Variants in GREB1L observed in about 807,000 individuals in gnomAD.
The protein encoded by GREB1L is GREB1 like retinoic acid receptor coactivator, also known as GREB1-like protein.
In GREB1L, 17 loss-of-function variants were observed where a neutral mutation model predicts 200.8. That is an observed-to-expected ratio of 0.08 (90% CI 0.06 to 0.13). The LOEUF (loss-of-function observed/expected upper bound fraction) is 0.13, where lower values mean the gene tolerates loss of function less well. Among genes scored for constraint, GREB1L ranks in the 10% least tolerant of loss-of-function variants. The pLI is 1.00. For missense variants in GREB1L, 1,657 were observed against 2,367.7 expected (o/e 0.70, Z 6.23); for synonymous variants, 789 against 893.0 (o/e 0.88, Z 2.08).
Position 21,321,514 on chromosome 18 carries a change from G to A in GREB1L, c.-119-44513G>A, listed in dbSNP as rs559290138. ...AGCCTCGCCAACATAGAGAAACCCC[G>A]TCTCTACTAAAAATACAAAAAAATT... On this transcript the variant is annotated intron_variant, in intron 1 of 32. Transcript: ENST00000424526. Among the ~76,000 whole-genome samples, 59 of 151,468 alleles carry A rather than the reference G, an allele frequency of 3.9e-4. No individual in the cohort carries two copies. In the South Asian group the frequency reaches 0.01, roughly 27 times the overall value.
chr18:21,459,113 A>G (rs575027723), intron 15 of GREB1L, among the ~76,000 whole-genome samples: 1 of 152,044 alleles, frequency 6.6e-6, no homozygotes, highest in South Asian at 2.1e-4. Context: ...ATACTTTAAC[A>G]CATGCATGAT....
chr18:21,328,496 AT>A lies in GREB1L; in HGVS notation c.-119-37529del, dbSNP rs1408942324. ...AGTAGTTCAAATGGAGTCCTGAGAA[AT>A]TGTGTCCAGCCCTCATGTCACCCTG... is the stretch of plus-strand genomic sequence containing the variant. On this transcript the variant is annotated intron_variant, in intron 1 of 32. Transcript: ENST00000424526. Among the ~76,000 whole-genome samples the A allele has an allele frequency of 4.6e-5, 7 of 152,260 alleles. No individual in the cohort carries two copies. The East Asian group carries it at 7.7e-4, about 17-fold the overall frequency.
In GREB1L at chr18:21,508,567, G is replaced by A. The variant is rs369924162; in HGVS notation, c.4711G>A (p.Gly1571Ser). The change falls in exon 27 of 33, where the codon GGC (glycine) becomes AGC (serine). Residue 1571 changes from glycine to serine, a missense_variant. Around this residue, in one of 9 missense-constraint regions of GREB1L, gnomAD observed 151 missense variants for 309.6 expected, o/e 0.49. Coordinates refer to ENST00000424526, the MANE Select transcript of GREB1L (RefSeq NM_001142966.3). ...CAACCACATCATGCTGGTGCTTCCC[G>A]GCATGTTCAATAATGCAGGCGTGGG... ...WPNHIMLVLP[G>S]MFNNAGVGAA... 1.7e-4 allele frequency: 265 copies of A among 1,551,624 alleles called. 3 individuals carry two copies. In the African/African-American group the frequency reaches 3.0e-3, roughly 18 times the overall value.
At chr18:21,334,162 A>T (rs1335716263) in intron 1 of GREB1L, among the ~76,000 whole-genome samples, 2 of 152,168 alleles carry the variant, frequency 1.3e-5, no homozygotes, top group Admixed American at 1.3e-4. Flanking sequence ...AATATTAGCT[A>T]ATGTTAGTAA....
intron 1 of GREB1L, among the ~76,000 whole-genome samples, chr18:21,307,463 A>T (rs1228684489): frequency 6.6e-6 from 1 of 152,150 alleles, no homozygotes; most frequent in Non-Finnish European, 1.5e-5. Flanking sequence ...TGGTCCTAAC[A>T]CTGAGATTTT....
chr18:21,455,140 A>T (rs991615772), intron 15 of GREB1L: 1 of 153,260 alleles, frequency 6.5e-6, no homozygotes, highest in African/African-American at 2.4e-5. Flanking sequence ...TAAAAAAAAA[A>T]AATGTTACAA....
chr18:21,289,545 C>G (rs181216804), intron 1 of GREB1L, among the ~76,000 whole-genome samples: 1 of 150,686 alleles, frequency 6.6e-6, no homozygotes, highest in African/African-American at 2.5e-5. Flanking sequence ...CATCCCCCCC[C>G]GCAAAAAAAA....
At chr18:21,352,554 C>T (rs934110544) in intron 1 of GREB1L, among the ~76,000 whole-genome samples, 1 of 151,868 alleles carries the variant, frequency 6.6e-6, no homozygotes, top group African/African-American at 2.4e-5. Flanking sequence ...ATGCCTCAGC[C>T]ACCTGAATAG....
At chr18:21,299,897 A>G (rs1459595597) in intron 1 of GREB1L, among the ~76,000 whole-genome samples, 1 of 152,314 alleles carries the variant, frequency 6.6e-6, no homozygotes, top group African/African-American at 2.4e-5. Context: ...ATTAGACATT[A>G]TGATAAAATA....
chr18:21,525,587 C>CAGAT lies in GREB1L; in HGVS notation c.*2767_*2770dup, dbSNP rs2037672151. 6.6e-6 allele frequency among the ~76,000 whole-genome samples: 1 copy of CAGAT among 152,142 alleles called. No homozygotes were observed. Among genetic ancestry groups the CAGAT allele is most frequent in the Non-Finnish European group, 1.5e-5 (1 of 68,028 alleles). ...TAGTAGATACCAATCTTTTATTTGA[C>CAGAT]AGATTGCAACTACACTCACTTTGAT... On this transcript the variant is annotated 3_prime_UTR_variant, in exon 33 of 33. Coordinates refer to ENST00000424526, the MANE Select transcript of GREB1L (RefSeq NM_001142966.3).
intron 27 of GREB1L, among the ~76,000 whole-genome samples, chr18:21,513,056 C>T (rs1008681589): frequency 2.6e-5 from 4 of 152,138 alleles, no homozygotes; most frequent in East Asian, 1.9e-4. Context: ...GGGTACTAGG[C>T]GCTATCCTGA....
chr18:21,485,661 T>C lies in GREB1L; in HGVS notation c.2598T>C (p.Ser866=). The change falls in exon 18 of 33, where the codon AGT becomes AGC. Residue 866 remains serine (S), a synonymous_variant. Transcript: ENST00000424526. The part of the protein sequence containing the change: ...GCEEKLYFGL[S]EYSKSLQWGI... Reference sequence around the variant, plus strand: ...AGGAGAAGCTGTACTTTGGCTTGAGTGAGTACAGCAAGTCTCTGCAGTGGG... The same window carrying C: ...AGGAGAAGCTGTACTTTGGCTTGAGCGAGTACAGCAAGTCTCTGCAGTGGG... 9 of 1,551,436 alleles carry C rather than the reference T, an allele frequency of 5.8e-6. No individual in the cohort carries two copies. The highest frequency in any genetic ancestry group is 7.0e-6 in the Non-Finnish European group (8 of 1,146,852).
chr18:21,497,821 C>CTTTT (rs1555659431), intron 21 of GREB1L, among the ~76,000 whole-genome samples: 1 of 80,954 alleles, frequency 1.2e-5, no homozygotes, highest in Non-Finnish European at 2.8e-5. Context: ...ACCCCCCCCC[C>CTTTT]TTTTTTTTTT....
At chr18:21,254,061 A>ATTT (rs547876546) in intron 1 of GREB1L, among the ~76,000 whole-genome samples, 1,262 of 70,432 alleles carry the variant, frequency 0.018, 303 homozygotes, top group African/African-American at 0.077. Context: ...TTTCAGGCAT[A>ATTT]TTTTTTTTTT....
Position 21,516,654 on chromosome 18 carries a change from G to C in GREB1L, c.5171G>C (p.Ser1724Thr). The change falls in exon 30 of 33, where the codon AGT (serine) becomes ACT (threonine). Residue 1724 changes from serine (S) to threonine (T), a missense_variant. Ser to Thr is a moderately conservative substitution (Grantham distance 58, BLOSUM62 1). Coordinates refer to ENST00000424526, the MANE Select transcript of GREB1L (RefSeq NM_001142966.3). ...EDADFNLRTN[S>T]SGLLICRFNN... is the part of the protein sequence containing the mutation. ...GCTGACTTTAATCTGAGAACAAACA[G>C]TAGTGGCCTGCTCATCTGCCGCTTT... 2 of 1,551,518 alleles carry C rather than the reference G, an allele frequency of 1.3e-6. No homozygotes were observed. Among genetic ancestry groups the C allele is most frequent in the African/African-American group, 1.4e-5 (1 of 73,156 alleles).
chr18:21,399,983 G>T (rs1446460147), intron 5 of GREB1L, among the ~76,000 whole-genome samples: 2 of 151,804 alleles, frequency 1.3e-5, no homozygotes, highest in African/African-American at 4.8e-5. Flanking sequence ...TTAGCTTAGG[G>T]GTCTGAAAAG....
At chr18:21,331,454 A>G (rs1168890278) in intron 1 of GREB1L, among the ~76,000 whole-genome samples, 1 of 152,240 alleles carries the variant, frequency 6.6e-6, no homozygotes, top group Non-Finnish European at 1.5e-5. Flanking sequence ...TTGGGTAAAA[A>G]GAGACATTAT....
At position 21,347,077 on chromosome 18, in the gene GREB1L, C is replaced by T. The variant is rs557343642; in HGVS notation, c.-119-18950C>T. 3.1e-4 allele frequency among the ~76,000 whole-genome samples: 47 copies of T among 152,026 alleles called. 1 individual carries two copies. Among genetic ancestry groups the T allele is most frequent in the Middle Eastern group, 6.8e-3 (2 of 294 alleles). On this transcript the variant is annotated intron_variant, in intron 1 of 32. Coordinates refer to ENST00000424526, the MANE Select transcript of GREB1L (RefSeq NM_001142966.3). ...CCTACCTTTTAAAACTGTCTACCAC[C>T]GATCAGCCTGACCAATATGGTGAAA... is the stretch of plus-strand genomic sequence containing the variant.
chr18:21,372,677 T>C (rs888924027), intron 2 of GREB1L, among the ~76,000 whole-genome samples: 4 of 152,030 alleles, frequency 2.6e-5, no homozygotes, highest in Non-Finnish European at 5.9e-5. Context: ...ATCCCAGCAC[T>C]TCGGGAGGCC....
Sources: allele counts gnomAD v4.1 joint callset (sites outside exome capture counted in the v4.1 genomes callset), GRCh38; gene constraint gnomAD v4.1.1; regional missense constraint gnomAD v4.1.1; transcripts MANE v1.5; gene names NCBI Gene and HGNC (gene_info 2026-07-23, HGNC 2026-07-21).